The following RNLS variants were observed in gnomAD, a reference collection of about 807,000 sequenced individuals.
RNLS encodes renalase.
RNLS carries 39 observed loss-of-function variants against 39.8 expected under a neutral mutation model. The observed-to-expected ratio is 0.98, with a 90% confidence interval of 0.76 to 1.28. RNLS has a LOEUF of 1.28. Among genes scored for constraint, RNLS ranks in the 50% most tolerant of loss-of-function variants. The pLI is 0.00. For synonymous variants in RNLS, 147 were observed against 150.7 expected, an observed-to-expected ratio of 0.98 and a Z score of 0.18; for missense variants, 410 against 413.3, an observed-to-expected ratio of 0.99 and a Z score of 0.07.
intron 5 of RNLS, among the ~76,000 whole-genome samples, chr10:88,323,887 CA>C (rs912449998): frequency 2.6e-5 from 4 of 151,722 alleles, no homozygotes; most frequent in Admixed American, 6.6e-5. Context: ...ACAAGAAAAA[CA>C]AAACAAAACA....
At chr10:88,554,958 T>A (rs1419558008) in intron 4 of RNLS, among the ~76,000 whole-genome samples, 1 of 152,148 alleles carries the variant, frequency 6.6e-6, no homozygotes, top group Non-Finnish European at 1.5e-5. Flanking sequence ...TCTAAAAAAT[T>A]GTCTATTCCG....
At chr10:88,439,021 C>T (rs1841566708) in intron 4 of RNLS, among the ~76,000 whole-genome samples, 1 of 152,192 alleles carries the variant, frequency 6.6e-6, no homozygotes, top group Admixed American at 6.5e-5. Context: ...CAAAAGTGAA[C>T]TTGTACTGAT....
At chr10:88,193,006 G>A in the RNLS span, among the ~76,000 whole-genome samples, 1 of 152,126 alleles carries the variant, frequency 6.6e-6, no homozygotes, top group Admixed American at 6.6e-5. Flanking sequence ...TCCTGACATC[G>A]AAGTATAGTG....
In RNLS at chr10:88,341,071, AC is replaced by A. The variant is rs1242903558; in HGVS notation, c.700+21480del. ...AAGATTCTGTCTCAAAAAAAAAAAAACAAAAAACAGCAATTTGGGAGGCCTA... is the reference window on the plus strand; with the variant it reads ...AAGATTCTGTCTCAAAAAAAAAAAAAAAAAAACAGCAATTTGGGAGGCCTA... On this transcript the variant is annotated intron_variant, in intron 5 of 6. Coordinates refer to ENST00000331772, the MANE Select transcript of RNLS (RefSeq NM_001031709.3). Among the ~76,000 whole-genome samples, 397 of 129,238 alleles carry A rather than the reference AC, an allele frequency of 3.1e-3. 7 individuals carry two copies. The highest frequency in any genetic ancestry group is 0.018 in the South Asian group (73 of 4,072). The allele number at this position is 129,238 out of a possible 152,430, so 84.8% of individuals were successfully genotyped here. A position where few individuals can be genotyped will look rare whatever the true frequency, so the allele number is the denominator to read the frequency against.
At chr10:88,387,657 G>C (rs1030111202) in intron 4 of RNLS, among the ~76,000 whole-genome samples, 3 of 152,122 alleles carry the variant, frequency 2.0e-5, no homozygotes, top group Non-Finnish European at 2.9e-5. Flanking sequence ...GACCTGCAGG[G>C]CTCCCAGAAG....
At chr10:88,278,371 T>C (rs1383521249) in intron 6 of RNLS, among the ~76,000 whole-genome samples, 1 of 152,204 alleles carries the variant, frequency 6.6e-6, no homozygotes, top group East Asian at 1.9e-4. Context: ...AAGTTTGAGG[T>C]TGGCAACTGT....
At chr10:88,313,795 C>T (rs552557379) in intron 6 of RNLS, among the ~76,000 whole-genome samples, 26 of 152,242 alleles carry the variant, frequency 1.7e-4, no homozygotes, top group African/African-American at 6.3e-4. Context: ...GACTTCACTA[C>T]TGAGTTTACG....
the RNLS span, among the ~76,000 whole-genome samples, chr10:88,215,586 G>T: frequency 6.6e-6 from 1 of 151,876 alleles, no homozygotes; most frequent in South Asian, 2.1e-4. Flanking sequence ...TCACTGTTTT[G>T]AGAACAAGGC....
chr10:88,511,502 G>A lies in RNLS; in HGVS notation c.526+61401C>T, dbSNP rs531481844. Among the ~76,000 whole-genome samples, 203 of 152,228 alleles carry A rather than the reference G, an allele frequency of 1.3e-3. 1 individual carries two copies. The highest frequency in any genetic ancestry group is 6.8e-3 in the Middle Eastern group (2 of 294). On this transcript the variant is annotated intron_variant, in intron 4 of 6. Transcript: ENST00000331772. ...CCTGAGCAGACTGGAGTTCAGGGGA[G>A]ATACCCAAGCTGAAGATGTGTGTTT...
At chr10:88,222,426 G>T in the RNLS span, among the ~76,000 whole-genome samples, 1 of 152,106 alleles carries the variant, frequency 6.6e-6, no homozygotes. Context: ...TGAATTCACA[G>T]CCTGGTCCCA....
At chr10:88,542,523 A>G (rs1490552453) in intron 4 of RNLS, among the ~76,000 whole-genome samples, 1 of 152,204 alleles carries the variant, frequency 6.6e-6, no homozygotes, top group Non-Finnish European at 1.5e-5. Context: ...CCTCACAGTG[A>G]GGCTTGTCCA....
chr10:88,463,600 C>A (rs1217250751), intron 4 of RNLS, among the ~76,000 whole-genome samples: 2 of 151,966 alleles, frequency 1.3e-5, no homozygotes, highest in African/African-American at 4.8e-5. Context: ...CTAGATTTTA[C>A]ACAGTACTGG....
chr10:88,493,082 G>A (rs1844973969), intron 4 of RNLS, among the ~76,000 whole-genome samples: 1 of 152,054 alleles, frequency 6.6e-6, no homozygotes, highest in Non-Finnish European at 1.5e-5. Flanking sequence ...AATTAAATCA[G>A]TATAATGGAC....
At chr10:88,214,669 T>C in the RNLS span, among the ~76,000 whole-genome samples, 3 of 152,376 alleles carry the variant, frequency 2.0e-5, no homozygotes, top group African/African-American at 7.2e-5. Context: ...CAGTTTTCTT[T>C]CCATTTTATG....
chr10:88,377,819 A>G (rs2133481644), intron 4 of RNLS, among the ~76,000 whole-genome samples: 1 of 152,306 alleles, frequency 6.6e-6, no homozygotes, highest in Non-Finnish European at 1.5e-5. Flanking sequence ...AATTTTCTTC[A>G]ATAATAAATT....
intron 4 of RNLS, among the ~76,000 whole-genome samples, chr10:88,441,987 T>C (rs1841739440): frequency 6.6e-6 from 1 of 152,172 alleles, no homozygotes; most frequent in Non-Finnish European, 1.5e-5. Context: ...TCCCCTATGG[T>C]GATGCCCTCC....
At chr10:88,458,447 C>T (rs997663205) in intron 4 of RNLS, among the ~76,000 whole-genome samples, 1 of 152,190 alleles carries the variant, frequency 6.6e-6, no homozygotes, top group Non-Finnish European at 1.5e-5. Context: ...TACATTCACA[C>T]CCACCCAATC....
chr10:88,376,003 G>C (rs148258086), intron 4 of RNLS, among the ~76,000 whole-genome samples: 1 of 152,208 alleles, frequency 6.6e-6, no homozygotes, highest in African/African-American at 2.4e-5. Context: ...GCAGACATAA[G>C]GTCTCTCACG....
chr10:88,424,109 G>C (rs1000437955), intron 4 of RNLS, among the ~76,000 whole-genome samples: 1 of 152,144 alleles, frequency 6.6e-6, no homozygotes, highest in Admixed American at 6.6e-5. Context: ...CATGATGTGT[G>C]TTTGTCTACT....
Sources: gnomAD v4.1 joint callset for allele counts (sites outside exome capture counted in the v4.1 genomes callset) on GRCh38, gnomAD v4.1.1 for gene constraint, MANE v1.5 for transcripts, NCBI Gene and HGNC (gene_info 2026-07-23, HGNC 2026-07-21) for gene names.